LRRC23: variants seen among roughly 807,000 people sequenced by gnomAD.
The protein encoded by LRRC23 is leucine-rich repeat-containing protein 23.
Under a neutral mutation model 37.7 loss-of-function variants are expected in LRRC23, and 28 were observed. The ratio of observed to expected loss-of-function variants is 0.74; its 90% CI spans 0.55 to 1.02. LRRC23 has a LOEUF of 1.02. Ranked by LOEUF, LRRC23 falls within the 50% of genes least tolerant of loss-of-function variation. The pLI, the probability that LRRC23 is intolerant of heterozygous loss-of-function variation, is 0.00. For missense variants in LRRC23, 377 were observed against 413.2 expected (o/e 0.91, Z 0.76); for synonymous variants, 161 against 165.4 (o/e 0.97, Z 0.20).
At chr12:6,913,200 C>A in intron 7 of LRRC23, 173 bp downstream of exon 7, 1 of 617,552 alleles carries the variant, frequency 1.6e-6, no homozygotes, top group Admixed American at 3.1e-5. Context: ...ACCCAAGGGG[C>A]CTGGGACCAG....
intron 6 of LRRC23, among the ~76,000 whole-genome samples, chr12:6,912,224 A>T (rs983355252): frequency 1.2e-4 from 18 of 152,080 alleles, no homozygotes; most frequent in African/African-American, 4.3e-4. Flanking sequence ...ATCTCGGCTC[A>T]CTGTAATCTC....
Position 6,912,851 on chromosome 12 carries a change from G to A in LRRC23, c.880G>A (p.Val294Met). ...DETSYRQEALVQMPYLERLDK... is the reference protein window; with the variant it reads ...DETSYRQEALMQMPYLERLDK... ...AACCAGCTACCGCCAGGAGGCCCTG[G>A]TGCAGATGCCATACCTTGAACGCCT... Residue 294 changes from valine to methionine, a missense_variant, in exon 7 of 8, where the codon GTG becomes ATG. This residue lies in a region of LRRC23 where 266 missense variants were observed against 285.6 expected (regional missense o/e 0.93). Transcript: ENST00000443597. 1.2e-6 allele frequency: 2 copies of A among 1,614,180 alleles called. No homozygotes were observed. Among genetic ancestry groups the A allele is most frequent in the Middle Eastern group, 1.6e-4 (1 of 6,062 alleles).
chr12:6,914,212 TAAAG>T lies in LRRC23; in HGVS notation c.*350_*353del. 1.5e-6 allele frequency: 1 copy of T among 685,862 alleles called. No individual in the cohort carries two copies. 42.5% of individuals were successfully genotyped at this position (685,862 alleles called of 1,614,324 possible). A position where few individuals can be genotyped will look rare whatever the true frequency, so the allele number is the denominator to read the frequency against. On this transcript the variant is annotated 3_prime_UTR_variant, in exon 8 of 8. Transcript: ENST00000443597. This position sits in a 1 kb window ranked among gnomAD's most constrained non-coding sequence, Gnocchi z 7.1. Reference sequence around the variant, plus strand: ...GCGGCTGGGGTGTTCGGATTTCCAATAAAGAAACAGAGTGATGCTCCTGTGTCTG... The same window carrying T: ...GCGGCTGGGGTGTTCGGATTTCCAATAAACAGAGTGATGCTCCTGTGTCTG...
intron 5 of LRRC23, among the ~76,000 whole-genome samples, chr12:6,909,045 T>C (rs1447792904): frequency 2.3e-5 from 2 of 86,140 alleles, no homozygotes; most frequent in African/African-American, 1.0e-4. Flanking sequence ...ATATATTATA[T>C]AATTATATAT....
chr12:6,914,168 G>C lies in LRRC23; in HGVS notation c.*302G>C. 1 of 1,206,204 alleles carries C rather than the reference G, an allele frequency of 8.3e-7. No homozygotes were observed. The highest frequency in any genetic ancestry group is 1.1e-6 in the Non-Finnish European group (1 of 877,542). The allele number at this position is 1,206,204 out of a possible 1,614,324, so 74.7% of individuals were successfully genotyped here. On this transcript the variant is annotated 3_prime_UTR_variant, in exon 8 of 8. Transcript: ENST00000443597. The surrounding 1 kb of genome is among the most constrained non-coding windows in gnomAD (Gnocchi z 7.1). ...GGGCCGCGGGGTGCTGGTAGGAGTG[G>C]TTGGAGAGACTTGCGAAGGCGGCTG...
At chr12:6,909,474 T>TAGTATA (rs1945102030) in intron 5 of LRRC23, among the ~76,000 whole-genome samples, 1 of 95,898 alleles carries the variant, frequency 1.0e-5, no homozygotes, top group African/African-American at 4.5e-5. Context: ...TAATATATAT[T>TAGTATA]TTATATATTA....
At chr12:6,909,204 AATT>A (rs1945065396) in intron 5 of LRRC23, among the ~76,000 whole-genome samples, 1 of 17,258 alleles carries the variant, frequency 5.8e-5, no homozygotes, top group Non-Finnish European at 7.6e-5. Flanking sequence ...TATAATATAT[AATT>A]ATATATAATA....
intron 5 of LRRC23, 122 bp downstream of exon 5, chr12:6,907,567 C>CATA: frequency 9.5e-7 from 1 of 1,055,268 alleles, no homozygotes; most frequent in Non-Finnish European, 1.4e-6. Context: ...GTATTATTAT[C>CATA]AAGACCATAG....
Position 6,905,737 on chromosome 12 carries a change from AG to A in LRRC23, c.109del (p.Glu37LysfsTer16). ...ETEEGEDYRK[E>X]GEEFPEEWLP... ...GAGGAGGGGGAGGACTACAGAAAAG[AG>A]GGGGAAGAGTTCCCTGAGGAAGTGA... On this transcript the variant is annotated frameshift_variant, in exon 2 of 8. Coordinates refer to ENST00000443597, the MANE Select transcript of LRRC23 (RefSeq NM_001135217.2). LOFTEE classifies it high-confidence loss of function. 1 of 1,609,710 alleles carries A rather than the reference AG, an allele frequency of 6.2e-7. No homozygotes were observed. The highest frequency in any genetic ancestry group is 8.5e-7 in the Non-Finnish European group (1 of 1,179,018).
intron 4 of LRRC23, among the ~76,000 whole-genome samples, chr12:6,907,085 A>G (rs1944967192): frequency 6.6e-6 from 1 of 152,200 alleles, no homozygotes; most frequent in Non-Finnish European, 1.5e-5. Context: ...TAGACATGTC[A>G]GCTGCTTCAT....
intron 1 of LRRC23, 143 bp downstream of exon 1, chr12:6,905,218 C>A: frequency 5.3e-6 from 1 of 187,244 alleles, no homozygotes. Context: ...ACGGATGGCG[C>A]AATGGGAGCT....
rs185011331 is a variant in LRRC23 at position 6,911,080 on chromosome 12, C to T, written c.758+1054C>T. 3.0e-4 allele frequency among the ~76,000 whole-genome samples: 45 copies of T among 152,200 alleles called. 1 individual carries two copies. Among genetic ancestry groups the T allele is most frequent in the Admixed American group, 2.6e-3 (39 of 15,292 alleles). ...CCTGCCTCTCTTCTCCTGAGCCCCA[C>T]CTGTAAGGGATGACCTTTTTACTGA... On this transcript the variant is annotated intron_variant, in intron 6 of 7. Coordinates refer to ENST00000443597, the MANE Select transcript of LRRC23 (RefSeq NM_001135217.2).
At chr12:6,909,847 C>G in intron 5 of LRRC23, 43 bp from the exon 6 acceptor site, 1 of 1,574,776 alleles carries the variant, frequency 6.4e-7, no homozygotes, top group Non-Finnish European at 8.6e-7. Context: ...TCTTCCCTAT[C>G]CCTGCTCCCT....
At chr12:6,906,361 G>C in intron 3 of LRRC23, 48 bp from the exon 4 acceptor site, 1 of 1,586,240 alleles carries the variant, frequency 6.3e-7, no homozygotes, top group Non-Finnish European at 8.6e-7. Context: ...AGTCCTCACT[G>C]GGTGCTTAAC....
Position 6,907,417 on chromosome 12 carries a change from A to T in LRRC23, c.593A>T (p.Asn198Ile). 1 of 1,613,900 alleles carries T rather than the reference A, an allele frequency of 6.2e-7. No homozygotes were observed. The stretch of plus-strand genomic sequence containing the variant: ...CAGCTGGAAAGCACCCTGGGAATCA[A>T]TCTTCCTAAGCTGAAGAACCTCTAC... Reference protein sequence around the residue: ...GNQLESTLGINLPKLKNLYLA... With the variant: ...GNQLESTLGIILPKLKNLYLA... The change falls in exon 5 of 8, where the codon AAT (asparagine) becomes ATT (isoleucine). Residue 198 changes from asparagine to isoleucine, a missense_variant. Transcript: ENST00000443597.
rs1555139355 is a variant in LRRC23, at chr12:6,905,613, A to G, written c.-21A>G. ...GAGGACTGAGCTTATCTGACTCCAG[A>G]GCTTTCAGGAGGGAAGAAAGATGTC... On this transcript the variant is annotated 5_prime_UTR_variant, in exon 2 of 8. Coordinates refer to ENST00000443597, the MANE Select transcript of LRRC23 (RefSeq NM_001135217.2). The G allele has an allele frequency of 6.2e-7, 1 of 1,613,456 alleles. No homozygotes were observed. Among genetic ancestry groups the G allele is most frequent in the Non-Finnish European group, 8.5e-7 (1 of 1,179,652 alleles).
At chr12:6,909,451 A>T (rs189836226) in intron 5 of LRRC23, among the ~76,000 whole-genome samples, 17,209 of 65,466 alleles carry the variant, frequency 0.26, 4,369 homozygotes, top group African/African-American at 0.64. Context: ...AATAGTATAT[A>T]ATATATAATA....
At position 6,905,798 on chromosome 12, in the gene LRRC23, AG is replaced by A. The variant is rs782579216; in HGVS notation, c.127-42del. On this transcript the variant is annotated intron_variant, in intron 2 of 7. Coordinates refer to ENST00000443597, the MANE Select transcript of LRRC23 (RefSeq NM_001135217.2). ...CAAGGAGGGGTCCTAGGGCTGAAGG[AG>A]GGGGTTGGGCAGGGGAGAGACACCT... 17 of 1,610,498 alleles carry A rather than the reference AG, an allele frequency of 1.1e-5. 1 individual carries two copies. The highest frequency in any genetic ancestry group is 2.2e-5 in the East Asian group (1 of 44,718).
rs782131766 is a variant in LRRC23, at chr12:6,914,144, G to A, written c.*278G>A. 20 of 1,408,740 alleles carry A rather than the reference G, an allele frequency of 1.4e-5. No individual in the cohort carries two copies. The highest frequency in any genetic ancestry group is 1.6e-5 in the Non-Finnish European group (17 of 1,054,108). 87.3% of individuals were successfully genotyped at this position (1,408,740 alleles called of 1,614,324 possible). ...CGTGGGTGAGAGCCAAGACCGCGTG[G>A]GCCGCGGGGTGCTGGTAGGAGTGGT... On this transcript the variant is annotated 3_prime_UTR_variant, in exon 8 of 8. Transcript: ENST00000443597. This position sits in a 1 kb window ranked among gnomAD's most constrained non-coding sequence, Gnocchi z 7.1.
Sources: allele counts gnomAD v4.1 joint callset (sites outside exome capture counted in the v4.1 genomes callset), GRCh38; gene constraint gnomAD v4.1.1; regional missense constraint gnomAD v4.1.1; non-coding constraint Gnocchi (gnomAD v3.1); transcripts MANE v1.5; gene names NCBI Gene and HGNC (gene_info 2026-07-23, HGNC 2026-07-21).